The following ADAMTSL1 variants were observed in gnomAD, a reference collection of about 807,000 sequenced individuals.
ADAMTSL1 encodes ADAMTS like 1, also known as ADAMTS-like protein 1.
A neutral mutation model predicts 201.8 loss-of-function variants in ADAMTSL1; 126 were observed. The observed-to-expected ratio is 0.62, with a 90% confidence interval of 0.54 to 0.72. The LOEUF is 0.72. Ranked by LOEUF, ADAMTSL1 falls within the 30% of genes least tolerant of loss-of-function variation. The pLI is 0.00. For missense variants in ADAMTSL1, 2,679 were observed against 2,277.8 expected (o/e 1.18, Z -3.59); for synonymous variants, 1,121 against 903.4 (o/e 1.24, Z -4.32).
intron 2 of ADAMTSL1, among the ~76,000 whole-genome samples, chr9:18,314,495 G>A (rs570017662): frequency 6.6e-6 from 1 of 151,904 alleles, no homozygotes; most frequent in African/African-American, 2.4e-5. Flanking sequence ...CTCTTAAGGC[G>A]GTGTGTCTGG....
At chr9:18,204,336 C>T (rs987498218) in intron 2 of ADAMTSL1, among the ~76,000 whole-genome samples, 1 of 152,078 alleles carries the variant, frequency 6.6e-6, no homozygotes. Flanking sequence ...CTTTCCCCTT[C>T]ACTTGGCACT....
At chr9:17,963,706 T>C (rs1328888982) in intron 1 of ADAMTSL1, among the ~76,000 whole-genome samples, 1 of 152,152 alleles carries the variant, frequency 6.6e-6, no homozygotes, top group African/African-American at 2.4e-5. Flanking sequence ...GAGATTCAAA[T>C]TGGAGGACAC....
intron 2 of ADAMTSL1, among the ~76,000 whole-genome samples, chr9:18,209,615 A>G (rs1167189991): frequency 2.6e-5 from 4 of 152,158 alleles, no homozygotes; most frequent in African/African-American, 7.2e-5. Context: ...TAGCTTTTCT[A>G]ATTAACAGGT....
rs1452047863 is a variant in ADAMTSL1 at position 18,716,545 on chromosome 9, C to G, written c.1877-4991C>G. ...AATCAAAACCACAATGAGATACCAT[C>G]TCACACCAGTTAGAATGGCAATCAT... On this transcript the variant is annotated intron_variant, in intron 14 of 28. Coordinates refer to ENST00000380548, the MANE Select transcript of ADAMTSL1 (RefSeq NM_001040272.6). 1.2e-3 allele frequency among the ~76,000 whole-genome samples: 175 copies of G among 148,858 alleles called. 1 individual carries two copies. The highest frequency in any genetic ancestry group is 4.0e-3 in the African/African-American group (163 of 40,530).
At chr9:17,979,286 T>C (rs554437537) in intron 1 of ADAMTSL1, among the ~76,000 whole-genome samples, 1 of 152,190 alleles carries the variant, frequency 6.6e-6, no homozygotes, top group African/African-American at 2.4e-5. Context: ...TTTCTTCTTC[T>C]TGGATTACTT....
chr9:18,222,861 T>G (rs552584331), intron 2 of ADAMTSL1, among the ~76,000 whole-genome samples: 1 of 152,088 alleles, frequency 6.6e-6, no homozygotes, highest in African/African-American at 2.4e-5. Context: ...TATTTTATAT[T>G]TTTACTTTCC....
At chr9:18,439,938 T>A (rs1483623377) in intron 2 of ADAMTSL1, among the ~76,000 whole-genome samples, 1 of 152,208 alleles carries the variant, frequency 6.6e-6, no homozygotes, top group Admixed American at 6.5e-5. Context: ...AAGTTTTTAA[T>A]CTATAGTACA....
rs533415374 is a variant in ADAMTSL1, at chr9:18,250,922, A to G, written c.207+86941A>G. 2.0e-4 allele frequency among the ~76,000 whole-genome samples: 30 copies of G among 152,312 alleles called. No individual in the cohort carries two copies. In the South Asian group the frequency reaches 6.0e-3, roughly 31 times the overall value. ...GCTAAAGAAACGCAAAACTCTGGTC[A>G]GGAGAGAATAATGACAACTCACTAA... On this transcript the variant is annotated intron_variant, in intron 2 of 29. Transcript: ENST00000680146.
At chr9:18,524,902 CT>C (rs1161567632) in intron 2 of ADAMTSL1, among the ~76,000 whole-genome samples, 1 of 152,066 alleles carries the variant, frequency 6.6e-6, no homozygotes, top group Non-Finnish European at 1.5e-5. Context: ...CTAAAATTCT[CT>C]CTTTTTGTTG....
chr9:18,229,573 G>T (rs996921371), intron 2 of ADAMTSL1, among the ~76,000 whole-genome samples: 3 of 151,960 alleles, frequency 2.0e-5, no homozygotes, highest in Non-Finnish European at 4.4e-5. Context: ...TTTTTGGCAG[G>T]TATGTTATAG....
intron 2 of ADAMTSL1, among the ~76,000 whole-genome samples, chr9:18,201,684 A>T (rs1335363809): frequency 6.6e-6 from 1 of 152,080 alleles, no homozygotes; most frequent in Non-Finnish European, 1.5e-5. Flanking sequence ...AAACCATTTT[A>T]CTCTGCTCTC....
intron 20 of ADAMTSL1, among the ~76,000 whole-genome samples, chr9:18,814,337 G>A (rs1285211695): frequency 6.6e-6 from 1 of 152,174 alleles, no homozygotes; most frequent in African/African-American, 2.4e-5. Flanking sequence ...ATCTTAGCCT[G>A]TAGCTTCCTT....
At chr9:17,913,924 A>T (rs1825987240) in intron 1 of ADAMTSL1, among the ~76,000 whole-genome samples, 1 of 152,256 alleles carries the variant, frequency 6.6e-6, no homozygotes. Context: ...AATCTAGAAG[A>T]AATGGATAAA....
intron 7 of ADAMTSL1, among the ~76,000 whole-genome samples, chr9:18,644,235 T>A (rs1361317999): frequency 6.6e-6 from 1 of 152,032 alleles, no homozygotes; most frequent in Admixed American, 6.6e-5. Context: ...ATCCTGCAAC[T>A]TTACTGAATT....
intron 1 of ADAMTSL1, among the ~76,000 whole-genome samples, chr9:18,013,811 G>C (rs145109532): frequency 2.5e-3 from 386 of 152,042 alleles, no homozygotes; most frequent in African/African-American, 8.7e-3. Context: ...TGATTTCTAG[G>C]GGGGGAGCTT....
At chr9:18,309,424 A>G (rs528367723) in intron 2 of ADAMTSL1, among the ~76,000 whole-genome samples, 1 of 152,286 alleles carries the variant, frequency 6.6e-6, no homozygotes, top group Admixed American at 6.5e-5. Flanking sequence ...ACATGATTGT[A>G]TATTTAGAAA....
intron 26 of ADAMTSL1, among the ~76,000 whole-genome samples, chr9:18,898,549 G>A (rs1339430516): frequency 6.6e-6 from 1 of 152,170 alleles, no homozygotes; most frequent in Non-Finnish European, 1.5e-5. Flanking sequence ...ACTGATTGGG[G>A]TACTTGAAAG....
intron 2 of ADAMTSL1, among the ~76,000 whole-genome samples, chr9:18,517,723 C>G (rs1170711542): frequency 6.6e-6 from 1 of 152,186 alleles, no homozygotes; most frequent in South Asian, 2.1e-4. Context: ...CCAATTTCAT[C>G]CATGTCCCTA....
chr9:18,681,870 G>A lies in ADAMTSL1; in HGVS notation c.1400G>A (p.Arg467Gln), dbSNP rs750871159. ...RYRVVLCIDH[R>Q]GMHTGGCSPK... is the part of the protein sequence containing the mutation. ...CGTGTGGTCCTCTGCATCGACCATCGAGGAATGCACACAGGAGGCTGTAGC... is the reference window on the plus strand; with the variant it reads ...CGTGTGGTCCTCTGCATCGACCATCAAGGAATGCACACAGGAGGCTGTAGC... The change falls in exon 12 of 29, where the codon CGA (arginine) becomes CAA (glutamine). Residue 467 changes from arginine to glutamine, a missense_variant. Coordinates refer to ENST00000380548, the MANE Select transcript of ADAMTSL1 (RefSeq NM_001040272.6). 37 of 1,613,994 alleles carry A rather than the reference G, an allele frequency of 2.3e-5. No homozygotes were observed. The highest frequency in any genetic ancestry group is 8.9e-5 in the East Asian group (4 of 44,872).
Sources: allele counts gnomAD v4.1 joint callset (sites outside exome capture counted in the v4.1 genomes callset), GRCh38; gene constraint gnomAD v4.1.1; transcripts MANE v1.5; gene names NCBI Gene and HGNC (gene_info 2026-07-23, HGNC 2026-07-21).